The following MARCHF7 variants were observed in gnomAD, a reference collection of about 807,000 sequenced individuals.
MARCHF7 encodes membrane associated ring-CH-type finger 7.
MARCHF7 carries 20 observed loss-of-function variants against 76.5 expected under a neutral mutation model. The observed-to-expected ratio is 0.26, with a 90% CI of 0.18 to 0.38. The LOEUF is 0.38. Ranked by LOEUF, MARCHF7 falls within the 10% of genes least tolerant of loss-of-function variation. The pLI, the probability that MARCHF7 is intolerant of heterozygous loss-of-function variation, is 1.00. For missense variants in MARCHF7, 797 were observed against 812.9 expected (o/e 0.98, Z 0.24); for synonymous variants, 295 against 293.0 (o/e 1.01, Z -0.07).
intron 4 of MARCHF7, among the ~76,000 whole-genome samples, chr2:159,730,156 C>A (rs1702614110): frequency 6.6e-6 from 1 of 152,188 alleles, no homozygotes. Context: ...CCACCTCATT[C>A]TCCTGAGTAG....
intron 3 of MARCHF7, among the ~76,000 whole-genome samples, chr2:159,728,211 G>A (rs1264164235): frequency 6.6e-6 from 1 of 152,062 alleles, no homozygotes; most frequent in Admixed American, 6.5e-5. Context: ...CACAGGGTTG[G>A]TCTGGAGAGT....
Position 159,743,174 on chromosome 2 carries a change from A to G in MARCHF7, c.267A>G (p.Ser89=), listed in dbSNP as rs984315754. ...AGAACCAGCAACGGGATCATGATTC[A>G]AAAAGACCTAAACTTTCCTGTACAA... ...RSQNQQRDHD[S]KRPKLSCTNC... is the part of the protein sequence containing the mutation. Residue 89 remains serine, a synonymous_variant, in exon 5 of 12, where the codon TCA becomes TCG. Coordinates refer to ENST00000409175, the MANE Select transcript of MARCHF7 (RefSeq NM_001282805.2). The G allele has an allele frequency of 5.0e-6, 8 of 1,614,120 alleles. No homozygotes were observed. Among genetic ancestry groups the G allele is most frequent in the Middle Eastern group, 1.6e-4 (1 of 6,084 alleles).
intron 2 of MARCHF7, 135 bp from the exon 3 acceptor site, chr2:159,715,546 A>C (rs1700940866): frequency 6.6e-6 from 1 of 152,060 alleles, no homozygotes; most frequent in Non-Finnish European, 1.5e-5. Context: ...CAGTTTCACC[A>C]TGTTTCCCAG....
intron 8 of MARCHF7, among the ~76,000 whole-genome samples, chr2:159,757,147 G>A (rs1005821464): frequency 2.6e-5 from 4 of 152,048 alleles, no homozygotes; most frequent in African/African-American, 4.8e-5. Flanking sequence ...CGCCTGCCTC[G>A]GCAGCCTCCC....
chr2:159,717,874 G>A (rs1455322572), intron 3 of MARCHF7, among the ~76,000 whole-genome samples: 1 of 152,070 alleles, frequency 6.6e-6, no homozygotes, highest in African/African-American at 2.4e-5. Context: ...CTTAATATAA[G>A]TAATCTTGTA....
At chr2:159,726,872 G>A (rs1702234359) in intron 3 of MARCHF7, among the ~76,000 whole-genome samples, 1 of 151,966 alleles carries the variant, frequency 6.6e-6, no homozygotes, top group East Asian at 1.9e-4. Flanking sequence ...TCTTTTCTCT[G>A]TTTAGTTATA....
intron 8 of MARCHF7, among the ~76,000 whole-genome samples, chr2:159,757,405 A>G (rs1421548052): frequency 1.3e-5 from 2 of 152,230 alleles, no homozygotes; most frequent in Admixed American, 6.5e-5. Flanking sequence ...GCTAAAGTCT[A>G]CAGGATATAC....
rs1704338734 is a variant in MARCHF7 at position 159,743,055 on chromosome 2, T to C, written c.154-6T>C. 7 of 1,603,598 alleles carry C rather than the reference T, an allele frequency of 4.4e-6. No homozygotes were observed. Among genetic ancestry groups the C allele is most frequent in the Non-Finnish European group, 6.0e-6 (7 of 1,174,396 alleles). ...TGTTGTTTAAAAAATTTTTTTGAACTCACAGTCTACATCAGCATCAGCATC... is the reference window on the plus strand; with the variant it reads ...TGTTGTTTAAAAAATTTTTTTGAACCCACAGTCTACATCAGCATCAGCATC... On this transcript the variant is annotated splice_region_variant and splice_polypyrimidine_tract_variant and intron_variant, in intron 4 of 11. Coordinates refer to ENST00000409175, the MANE Select transcript of MARCHF7 (RefSeq NM_001282805.2).
At chr2:159,725,815 A>T (rs1046434054) in intron 3 of MARCHF7, among the ~76,000 whole-genome samples, 5 of 152,168 alleles carry the variant, frequency 3.3e-5, no homozygotes, top group Admixed American at 2.0e-4. Flanking sequence ...AATTCTGATG[A>T]GAAACTCCTG....
chr2:159,746,005 AAAC>A (rs1302578702), intron 6 of MARCHF7, 68 bp downstream of exon 6: 6 of 1,282,920 alleles, frequency 4.7e-6, no homozygotes, highest in Non-Finnish European at 5.5e-6. Flanking sequence ...CATGTTACTA[AAAC>A]AACAGTACAA....
chr2:159,750,020 T>G (rs1305159017), intron 7 of MARCHF7, among the ~76,000 whole-genome samples: 1 of 152,252 alleles, frequency 6.6e-6, no homozygotes, highest in Non-Finnish European at 1.5e-5. Flanking sequence ...TAAAATTTGA[T>G]GCACAAAATA....
rs1485211282 is a variant in MARCHF7, at chr2:159,762,818, C to T, written c.1894-62C>T. 7.2e-6 allele frequency: 7 copies of T among 975,708 alleles called. No homozygotes were observed. The African/African-American group carries it at 9.7e-5, about 14-fold the overall frequency. The allele number at this position is 975,708 out of a possible 1,614,324, so 60.4% of individuals were successfully genotyped here. On this transcript the variant is annotated intron_variant, in intron 9 of 11. Coordinates refer to ENST00000409175, the MANE Select transcript of MARCHF7 (RefSeq NM_001282805.2). ...ATCAGTGTACTGTGAGTATCAATCT[C>T]AATTCTACTAATTTTTCATTCTCTG...
intron 3 of MARCHF7, among the ~76,000 whole-genome samples, chr2:159,719,257 G>T (rs1701365832): frequency 6.6e-6 from 1 of 151,924 alleles, no homozygotes; most frequent in African/African-American, 2.4e-5. Flanking sequence ...TGTTACCCAG[G>T]CTGGTCTTGA....
At chr2:159,755,027 A>G (rs1706115120) in intron 8 of MARCHF7, among the ~76,000 whole-genome samples, 4 of 152,184 alleles carry the variant, frequency 2.6e-5, no homozygotes, top group Admixed American at 2.6e-4. Flanking sequence ...CTAGAGTTCA[A>G]TGCTGGTGGG....
chr2:159,727,323 C>T (rs919283760), intron 3 of MARCHF7, among the ~76,000 whole-genome samples: 4 of 152,232 alleles, frequency 2.6e-5, no homozygotes, highest in African/African-American at 4.8e-5. Flanking sequence ...CACGGTGGCT[C>T]ATGCCTGTAA....
intron 11 of MARCHF7, among the ~76,000 whole-genome samples, 169 bp downstream of exon 11, chr2:159,764,843 GT>G (rs5835760): frequency 6.2e-5 from 9 of 146,156 alleles, no homozygotes; most frequent in African/African-American, 1.8e-4. Flanking sequence ...GACATTAGTT[GT>G]TTTTTTTTTT....
chr2:159,767,470 TACAC>T lies in MARCHF7; in HGVS notation c.*130_*133del. On this transcript the variant is annotated 3_prime_UTR_variant, in exon 12 of 12. Transcript: ENST00000409175. ...ACTATATATAAAATGAATATATACATACACATGTATGCCTGTATATATATATTCA... is the reference window on the plus strand; with the variant it reads ...ACTATATATAAAATGAATATATACATATGTATGCCTGTATATATATATTCA... 1 of 611,594 alleles carries T rather than the reference TACAC, an allele frequency of 1.6e-6. No homozygotes were observed. Among genetic ancestry groups the T allele is most frequent in the Non-Finnish European group, 2.8e-6 (1 of 351,708 alleles). 37.9% of individuals were successfully genotyped at this position (611,594 alleles called of 1,614,324 possible). A position where few individuals can be genotyped will look rare whatever the true frequency, so the allele number is the denominator to read the frequency against.
chr2:159,747,997 G>A lies in MARCHF7; in HGVS notation c.707G>A (p.Ser236Asn). The A allele has an allele frequency of 6.2e-7, 1 of 1,614,076 alleles. No individual in the cohort carries two copies. The highest frequency in any genetic ancestry group is 8.5e-7 in the Non-Finnish European group (1 of 1,180,014). The change falls in exon 7 of 12, where the codon AGC becomes AAC. Residue 236 changes from serine to asparagine, a missense_variant. By Grantham distance (46) the Ser-to-Asn change is conservative. This residue lies in a region of MARCHF7 where 643 missense variants were observed against 631.5 expected (regional missense o/e 1.02). Transcript: ENST00000409175. ...TCAAGAGAATCAGAATCTTCCCGAA[G>A]CAATACGCAGCCTGGATTTTCTTAC... ...FSSRESESSR[S>N]NTQPGFSYSS...
chr2:159,745,690 T>C (rs878885621), intron 5 of MARCHF7, 80 bp from the exon 6 acceptor site: 3 of 898,168 alleles, frequency 3.3e-6, no homozygotes, highest in South Asian at 1.8e-5. Context: ...ACACTAACTT[T>C]CCTCTCTATT....
Sources: gnomAD v4.1 joint callset for allele counts (sites outside exome capture counted in the v4.1 genomes callset) on GRCh38, gnomAD v4.1.1 for gene constraint, gnomAD v4.1.1 regional missense constraint, MANE v1.5 for transcripts, NCBI Gene and HGNC (gene_info 2026-07-23, HGNC 2026-07-21) for gene names.